ADAMTS19: variants seen among roughly 807,000 people sequenced by gnomAD.
ADAMTS19 encodes the protein ADAM metallopeptidase with thrombospondin type 1 motif 19.
Under a neutral mutation model 153.3 loss-of-function variants are expected in ADAMTS19, and 93 were observed. That is an observed-to-expected ratio of 0.61 (90% CI 0.51 to 0.72). The LOEUF (loss-of-function observed/expected upper bound fraction) is 0.72. ADAMTS19 is among the 30% of genes least tolerant of loss of function. ADAMTS19 has a pLI of 0.00. For missense variants in ADAMTS19, 1,482 were observed against 1,552.1 expected (o/e 0.95, Z 0.76); for synonymous variants, 600 against 556.6 (o/e 1.08, Z -1.10).
At chr5:129,641,189 T>G (rs567925874) in intron 10 of ADAMTS19, among the ~76,000 whole-genome samples, 1 of 152,346 alleles carries the variant, frequency 6.6e-6, no homozygotes, top group South Asian at 2.1e-4. Flanking sequence ...AATTTTTCTT[T>G]TACATTTCCT....
At chr5:129,710,679 C>A (rs1248832938) in intron 21 of ADAMTS19, among the ~76,000 whole-genome samples, 1 of 152,124 alleles carries the variant, frequency 6.6e-6, no homozygotes, top group Non-Finnish European at 1.5e-5. Flanking sequence ...CTTCTTAAAA[C>A]TAACATTGAC....
chr5:129,643,382 A>AAAAAAAAG (rs1554101887), intron 11 of ADAMTS19, among the ~76,000 whole-genome samples: 5 of 142,770 alleles, frequency 3.5e-5, no homozygotes, highest in Admixed American at 7.2e-5. Context: ...AAAAAAAAAA[A>AAAAAAAAG]AAAAGAAAAA....
At chr5:129,692,208 A>G (rs1361956116) in intron 18 of ADAMTS19, among the ~76,000 whole-genome samples, 1 of 152,106 alleles carries the variant, frequency 6.6e-6, no homozygotes, top group Non-Finnish European at 1.5e-5. Flanking sequence ...CATAATATCT[A>G]TTTGATATAT....
At chr5:129,686,347 G>A (rs1230444292) in intron 18 of ADAMTS19, among the ~76,000 whole-genome samples, 3 of 152,100 alleles carry the variant, frequency 2.0e-5, no homozygotes. Context: ...CAGTAAAATG[G>A]TGATAGGATT....
At chr5:129,684,690 A>G (rs1754995111) in intron 18 of ADAMTS19, among the ~76,000 whole-genome samples, 1 of 151,916 alleles carries the variant, frequency 6.6e-6, no homozygotes, top group Non-Finnish European at 1.5e-5. Flanking sequence ...CCTGAATTGA[A>G]TATAAGAATT....
chr5:129,565,724 A>G (rs181592036), intron 7 of ADAMTS19, among the ~76,000 whole-genome samples: 7 of 152,230 alleles, frequency 4.6e-5, no homozygotes, highest in Non-Finnish European at 1.0e-4. Context: ...ATCTTTTTCT[A>G]TCATAGCTTA....
chr5:129,662,884 C>CA, intron 15 of ADAMTS19, among the ~76,000 whole-genome samples: 1 of 135,772 alleles, frequency 7.4e-6, no homozygotes, highest in African/African-American at 3.1e-5. Flanking sequence ...CATGATTCTT[C>CA]TTCATTTTTT....
chr5:129,550,667 T>C (rs1215815796), intron 6 of ADAMTS19, among the ~76,000 whole-genome samples: 1 of 151,434 alleles, frequency 6.6e-6, no homozygotes, highest in African/African-American at 2.4e-5. Context: ...AAGATCAATG[T>C]GACTTCATTG....
intron 9 of ADAMTS19, among the ~76,000 whole-genome samples, chr5:129,621,842 A>C (rs1331237615): frequency 6.6e-6 from 1 of 152,138 alleles, no homozygotes; most frequent in African/African-American, 2.4e-5. Flanking sequence ...AATATAGCTG[A>C]TATCTTATAT....
intron 2 of ADAMTS19, among the ~76,000 whole-genome samples, chr5:129,474,443 C>T (rs1041543074): frequency 2.0e-5 from 3 of 152,118 alleles, no homozygotes; most frequent in African/African-American, 7.2e-5. Flanking sequence ...CTAGGTCATA[C>T]AGTAAATTTG....
intron 8 of ADAMTS19, 53 bp from the exon 9 acceptor site, chr5:129,620,565 C>T (rs1046208217): frequency 1.7e-4 from 215 of 1,297,290 alleles, no homozygotes; most frequent in Non-Finnish European, 2.1e-4. Context: ...AAAAAGTTAA[C>T]AAGTAACATT....
At chr5:129,543,206 C>T (rs183321062) in intron 6 of ADAMTS19, among the ~76,000 whole-genome samples, 41 of 152,046 alleles carry the variant, frequency 2.7e-4, no homozygotes, top group Non-Finnish European at 2.5e-4. Context: ...TGTGCCACCA[C>T]ACCTGGCTAA....
At chr5:129,678,618 G>A (rs1219785895) in intron 16 of ADAMTS19, among the ~76,000 whole-genome samples, 1 of 151,942 alleles carries the variant, frequency 6.6e-6, no homozygotes, top group East Asian at 1.9e-4. Flanking sequence ...AACACTCTCA[G>A]TCACTATTAT....
At position 129,515,176 on chromosome 5, in the gene ADAMTS19, G is replaced by C. The variant is rs149638283; in HGVS notation, c.913+5934G>C. Among the ~76,000 whole-genome samples, 980 of 152,140 alleles carry C rather than the reference G, an allele frequency of 6.4e-3. 12 individuals carry two copies. Among genetic ancestry groups the C allele is most frequent in the African/African-American group, 0.023 (938 of 41,536 alleles). ...CCTGTTTTTATGCCACTACCATGCT[G>C]TTTTGGTTACTGTAGCTCTGTAGTA... On this transcript the variant is annotated intron_variant, in intron 3 of 22. Transcript: ENST00000274487.
chr5:129,665,201 C>G (rs192820023), intron 15 of ADAMTS19, among the ~76,000 whole-genome samples: 97 of 146,998 alleles, frequency 6.6e-4, no homozygotes, highest in African/African-American at 2.2e-3. Flanking sequence ...CCAGGCTGTT[C>G]CACTGGGTTT....
chr5:129,572,957 T>G (rs1428209962), intron 7 of ADAMTS19, among the ~76,000 whole-genome samples: 1 of 152,016 alleles, frequency 6.6e-6, no homozygotes, highest in Non-Finnish European at 1.5e-5. Flanking sequence ...AGTAAGAAAT[T>G]TTATCTGATT....
At chr5:129,511,325 G>T (rs1337185304) in intron 3 of ADAMTS19, among the ~76,000 whole-genome samples, 3 of 151,696 alleles carry the variant, frequency 2.0e-5, no homozygotes, top group Admixed American at 1.3e-4. Flanking sequence ...ACTTTGTTGT[G>T]TTATTGTACT....
chr5:129,501,429 G>C (rs367846490), intron 2 of ADAMTS19, among the ~76,000 whole-genome samples: 14 of 152,258 alleles, frequency 9.2e-5, no homozygotes, highest in Admixed American at 7.2e-4. Context: ...TGCTTTGGGA[G>C]GGATGGGGCC....
intron 7 of ADAMTS19, among the ~76,000 whole-genome samples, chr5:129,560,790 A>C (rs1460166416): frequency 6.6e-6 from 1 of 151,770 alleles, no homozygotes; most frequent in Non-Finnish European, 1.5e-5. Flanking sequence ...TTTGCTCAAC[A>C]TTCACATGTG....
Sources: allele counts gnomAD v4.1 joint callset (sites outside exome capture counted in the v4.1 genomes callset), GRCh38; gene constraint gnomAD v4.1.1; transcripts MANE v1.5; gene names NCBI Gene and HGNC (gene_info 2026-07-23, HGNC 2026-07-21).